The following SYT14 variants were observed in gnomAD, a reference collection of about 807,000 sequenced individuals.
SYT14 encodes the protein synaptotagmin-14.
SYT14 carries 32 observed loss-of-function variants against 74.2 expected under a neutral mutation model. The observed-to-expected ratio is 0.43, with a 90% CI of 0.33 to 0.58. The LOEUF (loss-of-function observed/expected upper bound fraction) is 0.58, where lower values mean the gene tolerates loss of function less well. Among genes scored for constraint, SYT14 ranks in the 20% least tolerant of loss-of-function variants. The pLI, the probability that SYT14 is intolerant of heterozygous loss-of-function variation, is 0.05. For missense variants in SYT14, 791 were observed against 981.8 expected (o/e 0.81, Z 2.60); for synonymous variants, 298 against 337.7 (o/e 0.88, Z 1.29).
chr1:210,000,613 C>CTTTTTTTTTT (rs71146203), intron 2 of SYT14, among the ~76,000 whole-genome samples: 2 of 105,442 alleles, frequency 1.9e-5, no homozygotes, highest in Admixed American at 1.3e-4. Flanking sequence ...TTTATGCCTT[C>CTTTTTTTTTT]TTTTTTTTTT....
At chr1:210,136,250 A>C (rs990419491) in intron 7 of SYT14, among the ~76,000 whole-genome samples, 28 of 151,996 alleles carry the variant, frequency 1.8e-4, no homozygotes, top group Admixed American at 1.7e-3. Context: ...GTTTCCACAT[A>C]TTGAGAGGTG....
At chr1:210,148,548 G>C (rs2083092437) in intron 7 of SYT14, among the ~76,000 whole-genome samples, 1 of 151,354 alleles carries the variant, frequency 6.6e-6, no homozygotes, top group African/African-American at 2.4e-5. Flanking sequence ...ATTCAGTGGA[G>C]GTCTCAAAAT....
chr1:210,156,060 G>A, intron 8 of SYT14, 150 bp downstream of exon 7: 1 of 835,704 alleles, frequency 1.2e-6, no homozygotes, highest in East Asian at 2.7e-5. Context: ...TCTATTTCCA[G>A]TCATTTGGGA....
At chr1:210,058,008 GTAT>G (rs1321615362) in intron 5 of SYT14, among the ~76,000 whole-genome samples, 1 of 152,308 alleles carries the variant, frequency 6.6e-6, no homozygotes, top group East Asian at 1.9e-4. Flanking sequence ...TTATAGTGAT[GTAT>G]AAGAAAGATT....
intron 5 of SYT14, among the ~76,000 whole-genome samples, chr1:210,075,524 G>C (rs1417131681): frequency 6.6e-6 from 1 of 151,876 alleles, no homozygotes; most frequent in African/African-American, 2.4e-5. Context: ...TAGTAGAGAC[G>C]GGGTTTCACC....
intron 6 of SYT14, among the ~76,000 whole-genome samples, chr1:210,098,579 T>C (rs1371819298): frequency 6.6e-6 from 1 of 152,112 alleles, no homozygotes; most frequent in African/African-American, 2.4e-5. Context: ...AAACCTGATC[T>C]GAATGTTTCA....
chr1:210,064,754 G>T (rs911430719), intron 5 of SYT14, among the ~76,000 whole-genome samples: 4 of 151,956 alleles, frequency 2.6e-5, no homozygotes, highest in Non-Finnish European at 5.9e-5. Flanking sequence ...TTGAGTTGCT[G>T]CTTTCAGTTA....
chr1:209,997,002 A>G (rs1383691974), intron 2 of SYT14, among the ~76,000 whole-genome samples: 1 of 152,078 alleles, frequency 6.6e-6, no homozygotes, highest in Non-Finnish European at 1.5e-5. Flanking sequence ...CTCATAGCCA[A>G]CATCATACTG....
chr1:210,125,114 G>C (rs1199514964), intron 7 of SYT14, among the ~76,000 whole-genome samples: 1 of 151,830 alleles, frequency 6.6e-6, no homozygotes, highest in South Asian at 2.1e-4. Context: ...TTTGTTACAA[G>C]GATATACTGC....
At chr1:210,025,452 A>T (rs1219852858) in intron 5 of SYT14, among the ~76,000 whole-genome samples, 1 of 152,232 alleles carries the variant, frequency 6.6e-6, no homozygotes, top group African/African-American at 2.4e-5. Flanking sequence ...AACTAAAGGG[A>T]ATCACAAGGT....
At chr1:210,005,821 A>G (rs1453556835) in intron 2 of SYT14, among the ~76,000 whole-genome samples, 1 of 151,980 alleles carries the variant, frequency 6.6e-6, no homozygotes, top group Non-Finnish European at 1.5e-5. Context: ...TAAGAAGTAT[A>G]TGGTTTAAAT....
chr1:209,996,248 A>G (rs746591361), intron 2 of SYT14, among the ~76,000 whole-genome samples: 14 of 152,106 alleles, frequency 9.2e-5, no homozygotes, highest in Non-Finnish European at 2.1e-4. Flanking sequence ...TAACAAATAC[A>G]GTTGGAAATG....
chr1:210,086,213 A>G (rs2081726035), intron 5 of SYT14, among the ~76,000 whole-genome samples: 1 of 152,162 alleles, frequency 6.6e-6, no homozygotes, highest in African/African-American at 2.4e-5. Context: ...GTTTCTCATA[A>G]TGTTCACTTT....
intron 2 of SYT14, among the ~76,000 whole-genome samples, chr1:209,984,302 T>G (rs2079537007): frequency 6.6e-6 from 1 of 152,224 alleles, no homozygotes; most frequent in African/African-American, 2.4e-5. Flanking sequence ...GTGCATACTG[T>G]TCTCTTACTG....
intron 2 of SYT14, among the ~76,000 whole-genome samples, chr1:209,992,712 TG>T (rs1205858528): frequency 2.0e-5 from 3 of 152,106 alleles, no homozygotes; most frequent in Non-Finnish European, 4.4e-5. Flanking sequence ...AAACCATGCT[TG>T]CTTAAGAAAA....
intron 5 of SYT14, among the ~76,000 whole-genome samples, chr1:210,075,410 C>T (rs1438465892): frequency 6.7e-6 from 1 of 150,038 alleles, no homozygotes; most frequent in African/African-American, 2.5e-5. Flanking sequence ...TCTCAGCTCA[C>T]TGCAACCTCC....
chr1:209,942,867 A>G (rs896472616), intron 1 of SYT14, among the ~76,000 whole-genome samples: 5 of 152,164 alleles, frequency 3.3e-5, no homozygotes, highest in Non-Finnish European at 7.4e-5. Context: ...AACATTTTTT[A>G]AAAATGTAGA....
chr1:210,146,941 CAG>C (rs1475122413), intron 7 of SYT14, among the ~76,000 whole-genome samples: 1 of 151,654 alleles, frequency 6.6e-6, no homozygotes, highest in Non-Finnish European at 1.5e-5. Flanking sequence ...CTATTTTGTT[CAG>C]GAAGCCAAAC....
chr1:210,030,461 T>C (rs2080506998), intron 5 of SYT14, among the ~76,000 whole-genome samples: 1 of 152,152 alleles, frequency 6.6e-6, no homozygotes, highest in South Asian at 2.1e-4. Flanking sequence ...GTCTGATTTG[T>C]TTATTAGTTC....
Sources: allele counts gnomAD v4.1 joint callset (sites outside exome capture counted in the v4.1 genomes callset), GRCh38; gene constraint gnomAD v4.1.1; transcripts MANE v1.5; gene names NCBI Gene and HGNC (gene_info 2026-07-23, HGNC 2026-07-21).